The following HIVEP3 variants were observed in gnomAD, a reference collection of about 807,000 sequenced individuals.
HIVEP3 encodes the protein HIVEP zinc finger 3.
A neutral mutation model predicts 152.8 loss-of-function variants in HIVEP3; 49 were observed. The observed-to-expected ratio is 0.32, with a 90% CI of 0.26 to 0.41. The LOEUF is 0.41. Ranked by LOEUF, HIVEP3 falls within the 10% of genes least tolerant of loss-of-function variation. The probability of loss-of-function intolerance (pLI) is 1.00; values close to 1 mark genes in which losing one functional copy is unlikely to be tolerated. For synonymous variants in HIVEP3, 1,269 were observed against 1,289.0 expected, an observed-to-expected ratio of 0.98 and a Z score of 0.33; for missense variants, 2,790 against 3,103.3, an observed-to-expected ratio of 0.90 and a Z score of 2.40.
rs182161960 is a variant in HIVEP3, at chr1:41,853,699, C to T, written c.-801+64714G>A. 2.2e-4 allele frequency among the ~76,000 whole-genome samples: 34 copies of T among 152,140 alleles called. No homozygotes were observed. In the East Asian group the frequency reaches 6.0e-3, roughly 27 times the overall value. On this transcript the variant is annotated intron_variant, in intron 1 of 8. Transcript: ENST00000372583. ...TGTAGAAAGGGAGAGGAAGGGAGTT[C>T]CAGGCTGAGAGGAGTGAGTGAGGGA...
chr1:41,649,925 A>G (rs1329505191), intron 2 of HIVEP3, among the ~76,000 whole-genome samples: 2 of 152,184 alleles, frequency 1.3e-5, no homozygotes, highest in African/African-American at 2.4e-5. Flanking sequence ...GCATGATGGA[A>G]TTCATCAGGG....
intron 1 of HIVEP3, among the ~76,000 whole-genome samples, chr1:41,740,231 C>T (rs2124204063): frequency 6.6e-6 from 1 of 152,364 alleles, no homozygotes; most frequent in South Asian, 2.1e-4. Context: ...GGCCCTAAGG[C>T]CCTGCACCCC....
At chr1:41,529,551 C>A (rs958775903) in intron 5 of HIVEP3, among the ~76,000 whole-genome samples, 1 of 130,868 alleles carries the variant, frequency 7.6e-6, no homozygotes, top group Non-Finnish European at 1.6e-5. Flanking sequence ...CGACTCTCCT[C>A]CCCCCACACC....
intron 1 of HIVEP3, among the ~76,000 whole-genome samples, chr1:41,938,813 A>G (rs545707581): frequency 6.6e-6 from 1 of 152,114 alleles, no homozygotes; most frequent in Non-Finnish European, 1.5e-5. Flanking sequence ...TCTGAGTCCT[A>G]CTCTAGGAAT....
intron 5 of HIVEP3, among the ~76,000 whole-genome samples, chr1:41,530,762 T>A (rs1200917286): frequency 6.6e-6 from 1 of 152,112 alleles, no homozygotes; most frequent in Non-Finnish European, 1.5e-5. Context: ...GGTGCCAGGG[T>A]CCATCTGCCC....
intron 2 of HIVEP3, among the ~76,000 whole-genome samples, chr1:41,652,951 C>T (rs1035140491): frequency 6.6e-6 from 1 of 152,118 alleles, no homozygotes; most frequent in African/African-American, 2.4e-5. Flanking sequence ...AATACTTCTG[C>T]CTCCCATGAG....
chr1:41,919,492 A>C (rs1016848130), upstream of HIVEP3, among the ~76,000 whole-genome samples: 5 of 152,316 alleles, frequency 3.3e-5, no homozygotes, highest in South Asian at 1.0e-3. Context: ...CTAAAGTCGA[A>C]CATAATCCAG....
intron 1 of HIVEP3, among the ~76,000 whole-genome samples, chr1:41,865,325 A>G (rs1643948685): frequency 6.6e-6 from 1 of 152,202 alleles, no homozygotes; most frequent in African/African-American, 2.4e-5. Context: ...CCCACTGTGC[A>G]GCCCACCTGT....
intron 1 of HIVEP3, among the ~76,000 whole-genome samples, chr1:41,802,300 C>G (rs1650355456): frequency 6.6e-6 from 1 of 152,204 alleles, no homozygotes; most frequent in African/African-American, 2.4e-5. Context: ...ACTGCAGTCT[C>G]AACTTCCTGG....
chr1:42,030,780 G>A (rs1015660749), intron 1 of HIVEP3, among the ~76,000 whole-genome samples: 4 of 152,180 alleles, frequency 2.6e-5, no homozygotes, highest in Non-Finnish European at 4.4e-5. Context: ...AAAAAAGGAG[G>A]GGTGTCTAAG....
upstream of HIVEP3, among the ~76,000 whole-genome samples, chr1:41,919,302 C>T (rs1352778843): frequency 2.6e-5 from 4 of 152,120 alleles, no homozygotes; most frequent in African/African-American, 4.8e-5. Context: ...TGTCAGCAAG[C>T]GTGTCACACC....
rs1646937264 is a variant in HIVEP3, at chr1:41,737,511, T to G, written c.-800-36516A>C. The stretch of plus-strand genomic sequence containing the variant: ...CTGAGCATACCCCTGTCATTGGGTT[T>G]AGTGTCCTGGGCTACCATGGCCCAT... On this transcript the variant is annotated intron_variant, in intron 1 of 8. Coordinates refer to ENST00000372583, the MANE Select transcript of HIVEP3 (RefSeq NM_024503.5). 3.9e-5 allele frequency among the ~76,000 whole-genome samples: 6 copies of G among 152,316 alleles called. No homozygotes were observed. The South Asian group carries it at 1.2e-3, about 32-fold the overall frequency.
At chr1:42,006,328 T>G (rs1645459131) in intron 1 of HIVEP3, among the ~76,000 whole-genome samples, 1 of 152,112 alleles carries the variant, frequency 6.6e-6, no homozygotes, top group African/African-American at 2.4e-5. Context: ...AGTACCCTGC[T>G]AACTGCAAAG....
At chr1:41,755,705 A>T (rs1210743505) in intron 1 of HIVEP3, among the ~76,000 whole-genome samples, 1 of 152,228 alleles carries the variant, frequency 6.6e-6, no homozygotes, top group Non-Finnish European at 1.5e-5. Context: ...ACAGATGGCA[A>T]ATAAGCACGT....
At chr1:41,722,946 T>C (rs1646699184) in intron 1 of HIVEP3, among the ~76,000 whole-genome samples, 1 of 152,186 alleles carries the variant, frequency 6.6e-6, no homozygotes, top group African/African-American at 2.4e-5. Context: ...AGCAAGAGGT[T>C]AAGGCCAGAG....
intron 1 of HIVEP3, among the ~76,000 whole-genome samples, chr1:42,024,387 C>T (rs1021494676): frequency 5.3e-5 from 8 of 152,124 alleles, no homozygotes; most frequent in African/African-American, 1.7e-4. Flanking sequence ...TCTTATGTTT[C>T]CAATGAGTCT....
chr1:41,920,307 A>G (rs1644931028), upstream of HIVEP3, among the ~76,000 whole-genome samples: 3 of 152,204 alleles, frequency 2.0e-5, no homozygotes, highest in South Asian at 6.2e-4. Context: ...AGGCTCTGTG[A>G]CAAGGCACAG....
chr1:41,609,205 C>T (rs556571622), intron 3 of HIVEP3, among the ~76,000 whole-genome samples: 16 of 152,298 alleles, frequency 1.1e-4, no homozygotes, highest in South Asian at 4.1e-4. Context: ...ATGTGGACAC[C>T]GGAAAGGAAG....
At chr1:41,636,821 T>A (rs1645280756) in intron 2 of HIVEP3, among the ~76,000 whole-genome samples, 1 of 152,140 alleles carries the variant, frequency 6.6e-6, no homozygotes, top group Admixed American at 6.5e-5. Context: ...TAGCCCAGCA[T>A]GGTGGCACAT....
Sources: gnomAD v4.1 joint callset for allele counts (sites outside exome capture counted in the v4.1 genomes callset) on GRCh38, gnomAD v4.1.1 for gene constraint, MANE v1.5 for transcripts, NCBI Gene and HGNC (gene_info 2026-07-23, HGNC 2026-07-21) for gene names.